The following NFKB1 variants were observed in gnomAD, a reference collection of about 807,000 sequenced individuals.
NFKB1 encodes the protein nuclear factor NF-kappa-B p105 subunit.
In NFKB1, 9 loss-of-function variants were observed where a neutral mutation model predicts 105.1. That is an observed-to-expected ratio of 0.09 (90% CI 0.05 to 0.15). NFKB1 has a LOEUF of 0.15. Among genes scored for constraint, NFKB1 ranks in the 10% least tolerant of loss-of-function variants. The probability of loss-of-function intolerance (pLI) is 1.00; values close to 1 mark genes in which losing one functional copy is unlikely to be tolerated. For synonymous variants in NFKB1, 440 were observed against 442.2 expected (o/e 1.00, Z 0.06); for missense variants, 830 against 1,203.7 (o/e 0.69, Z 4.59).
Position 102,616,744 on chromosome 4 carries a change from G to T in NFKB1, c.*150G>T. 1.3e-6 allele frequency: 1 copy of T among 775,060 alleles called. No individual in the cohort carries two copies. The allele number at this position is 775,060 out of a possible 1,614,324, so 48.0% of individuals were successfully genotyped here. On this transcript the variant is annotated 3_prime_UTR_variant, in exon 24 of 24. Coordinates refer to ENST00000226574, the MANE Select transcript of NFKB1 (RefSeq NM_003998.4). ...TTTAACTCGAGACCTTTTCAACTTG[G>T]CTTCCTTTCTTGGTTCATAAATGAA...
chr4:102,523,374 C>A (rs994906495), intron 1 of NFKB1, among the ~76,000 whole-genome samples: 3 of 152,152 alleles, frequency 2.0e-5, no homozygotes, highest in Non-Finnish European at 2.9e-5. Flanking sequence ...GCTGCCCTTT[C>A]CTTTTTGTTA....
chr4:102,545,915 G>A (rs1168372070), intron 5 of NFKB1, among the ~76,000 whole-genome samples: 1 of 152,064 alleles, frequency 6.6e-6, no homozygotes, highest in Non-Finnish European at 1.5e-5. Context: ...AGATAATTAA[G>A]AGGATACGGC....
chr4:102,516,940 A>G lies in NFKB1; in HGVS notation c.-7-8572A>G, dbSNP rs78501270. On this transcript the variant is annotated intron_variant, in intron 1 of 23. Coordinates refer to ENST00000226574, the MANE Select transcript of NFKB1 (RefSeq NM_003998.4). ...CTGAAATCACAACTGAATGCTCACA[A>G]TGTTCAGTGATGTCTTTCCACCCTG... Among the ~76,000 whole-genome samples the G allele has an allele frequency of 6.8e-4, 104 of 152,272 alleles. 2 individuals are homozygous for G. The East Asian group carries it at 8.3e-3, about 12-fold the overall frequency.
At chr4:102,577,917 G>A in intron 7 of NFKB1, 1 of 985,386 alleles carries the variant, frequency 1.0e-6, no homozygotes, top group African/African-American at 1.7e-5. Context: ...AGATATTACT[G>A]AAGTTCTGTA....
intron 5 of NFKB1, among the ~76,000 whole-genome samples, chr4:102,562,309 T>C (rs537003163): frequency 6.6e-6 from 1 of 152,270 alleles, no homozygotes; most frequent in African/African-American, 2.4e-5. Flanking sequence ...TTCTTATATA[T>C]CTCCTTTGTA....
intron 11 of NFKB1, among the ~76,000 whole-genome samples, chr4:102,588,927 A>G (rs1018593414): frequency 1.3e-5 from 2 of 152,186 alleles, no homozygotes; most frequent in African/African-American, 2.4e-5. Context: ...AAATAGGTTG[A>G]TGTTTCATAG....
chr4:102,511,549 G>T (rs1739781298), intron 1 of NFKB1, among the ~76,000 whole-genome samples: 1 of 152,076 alleles, frequency 6.6e-6, no homozygotes, highest in Non-Finnish European at 1.5e-5. Context: ...GGTGGCACAT[G>T]CCTGTGGTCC....
chr4:102,576,852 C>T, intron 6 of NFKB1, 24 bp from the exon 7 acceptor site: 1 of 1,590,636 alleles, frequency 6.3e-7, no homozygotes, highest in Non-Finnish European at 8.5e-7. Flanking sequence ...GTTGTTGCTG[C>T]TGCTGTTACT....
chr4:102,601,999 T>C (rs1002026060), intron 16 of NFKB1, among the ~76,000 whole-genome samples: 1 of 152,126 alleles, frequency 6.6e-6, no homozygotes, highest in Non-Finnish European at 1.5e-5. Context: ...GGAGAGATGG[T>C]TTGCTGGTTC....
chr4:102,597,803 G>A, intron 15 of NFKB1, 142 bp downstream of exon 15: 2 of 1,029,600 alleles, frequency 1.9e-6, no homozygotes, highest in Non-Finnish European at 2.7e-6. Flanking sequence ...AATAATGTGT[G>A]AATAAGGTTA....
intron 7 of NFKB1, chr4:102,577,740 C>T (rs940772035): frequency 3.7e-6 from 3 of 810,282 alleles, no homozygotes; most frequent in Non-Finnish European, 1.5e-6. Flanking sequence ...CCTTCCCATC[C>T]TCACTGACTC....
chr4:102,584,304 C>T (rs983423127), intron 10 of NFKB1, among the ~76,000 whole-genome samples: 4 of 151,946 alleles, frequency 2.6e-5, no homozygotes, highest in African/African-American at 7.3e-5. Flanking sequence ...CTTTCCATAC[C>T]CAGTCTTTCT....
intron 3 of NFKB1, among the ~76,000 whole-genome samples, chr4:102,533,624 T>C (rs865970025): frequency 1.3e-5 from 2 of 152,234 alleles, no homozygotes; most frequent in Non-Finnish European, 2.9e-5. Flanking sequence ...CATTTACTTA[T>C]TGTGGTTCGC....
At position 102,610,432 on chromosome 4, in the gene NFKB1, AG is replaced by A; in HGVS notation, c.2228-142del. 3 of 765,908 alleles carry A rather than the reference AG, an allele frequency of 3.9e-6. No individual in the cohort carries two copies. The South Asian group carries it at 7.6e-5, about 19-fold the overall frequency. 47.4% of individuals were successfully genotyped at this position (765,908 alleles called of 1,614,324 possible). A position where few individuals can be genotyped will look rare whatever the true frequency, so the allele number is the denominator to read the frequency against. ...AAATAATTTCTCTGGATATTCCAGT[AG>A]AAATGTTTTATGATTTAAAAATTAT... On this transcript the variant is annotated intron_variant, in intron 19 of 23. Transcript: ENST00000226574.
intron 5 of NFKB1, among the ~76,000 whole-genome samples, chr4:102,544,236 A>G (rs979876604): frequency 8.5e-5 from 13 of 152,180 alleles, no homozygotes; most frequent in African/African-American, 2.7e-4. Context: ...GATAGCAGCT[A>G]TCTTTTTAAA....
chr4:102,506,197 T>C (rs1182524809), intron 1 of NFKB1, among the ~76,000 whole-genome samples: 1 of 152,158 alleles, frequency 6.6e-6, no homozygotes, highest in Non-Finnish European at 1.5e-5. Context: ...AATTGAAAAA[T>C]GTAATTTTTT....
intron 1 of NFKB1, among the ~76,000 whole-genome samples, chr4:102,513,604 A>G (rs941604132): frequency 3.3e-5 from 5 of 152,174 alleles, no homozygotes; most frequent in Non-Finnish European, 7.3e-5. Flanking sequence ...ATACAGCAAT[A>G]ATTTAGATGC....
intron 1 of NFKB1, among the ~76,000 whole-genome samples, chr4:102,524,511 C>A (rs1186007717): frequency 6.6e-6 from 1 of 152,134 alleles, no homozygotes; most frequent in Non-Finnish European, 1.5e-5. Flanking sequence ...TGGAAGACAG[C>A]GTTTCCACAG....
chr4:102,543,607 A>C (rs1288126267), intron 5 of NFKB1, among the ~76,000 whole-genome samples: 3 of 150,398 alleles, frequency 2.0e-5, no homozygotes, highest in African/African-American at 7.3e-5. Flanking sequence ...ACTGATTTAA[A>C]AAAAAAAAAA....
Sources: gnomAD v4.1 joint callset for allele counts (sites outside exome capture counted in the v4.1 genomes callset) on GRCh38, gnomAD v4.1.1 for gene constraint, MANE v1.5 for transcripts, NCBI Gene and HGNC (gene_info 2026-07-23, HGNC 2026-07-21) for gene names.